CEP112: variants seen among roughly 807,000 people sequenced by gnomAD.
The protein encoded by CEP112 is centrosomal protein of 112 kDa.
CEP112 carries 127 observed loss-of-function variants against 153.0 expected under a neutral mutation model. The ratio of observed to expected loss-of-function variants is 0.83; its 90% CI spans 0.72 to 0.96. The LOEUF (loss-of-function observed/expected upper bound fraction) is 0.96, where lower values mean the gene tolerates loss of function less well. CEP112 is among the 40% of genes least tolerant of loss of function. The pLI is 0.00. For missense variants in CEP112, 1,089 were observed against 1,101.2 expected (o/e 0.99, Z 0.16); for synonymous variants, 358 against 374.4 (o/e 0.96, Z 0.51).
intron 21 of CEP112, among the ~76,000 whole-genome samples, chr17:65,755,412 A>T (rs2052194893): frequency 6.6e-6 from 1 of 152,162 alleles, no homozygotes; most frequent in Admixed American, 6.5e-5. Flanking sequence ...ACTTCCCACC[A>T]GGCCCCACAT....
At chr17:66,072,031 A>G (rs1370049230) in intron 8 of CEP112, among the ~76,000 whole-genome samples, 3 of 152,210 alleles carry the variant, frequency 2.0e-5, no homozygotes, top group African/African-American at 7.2e-5. Context: ...GAAAAGTTGC[A>G]ATAATAGCAC....
chr17:66,086,634 C>G lies in CEP112; in HGVS notation c.768+9617G>C, dbSNP rs543690669. 2.0e-5 allele frequency among the ~76,000 whole-genome samples: 3 copies of G among 151,840 alleles called. No individual in the cohort carries two copies. The South Asian group carries it at 6.2e-4, about 32-fold the overall frequency. ...TTTTAGCCAGGATGGTCTCAATTTC[C>G]TGACCTCGTGATCTGCCCACCTAAA... On this transcript the variant is annotated intron_variant, in intron 8 of 26. Transcript: ENST00000535342.
intron 24 of CEP112, among the ~76,000 whole-genome samples, chr17:65,681,354 G>A (rs2047513650): frequency 6.6e-6 from 1 of 151,806 alleles, no homozygotes; most frequent in African/African-American, 2.4e-5. Context: ...CTACCAATCT[G>A]CTCATGGCCC....
chr17:65,960,423 G>A (rs1442891942), intron 18 of CEP112, among the ~76,000 whole-genome samples: 1 of 151,982 alleles, frequency 6.6e-6, no homozygotes, highest in Admixed American at 6.6e-5. Flanking sequence ...TTATCTATGG[G>A]CATTATGTAT....
intron 21 of CEP112, among the ~76,000 whole-genome samples, chr17:65,803,945 T>C (rs1260651797): frequency 6.6e-6 from 1 of 152,222 alleles, no homozygotes; most frequent in Non-Finnish European, 1.5e-5. Flanking sequence ...ATCCTAGATG[T>C]AGACAAATCC....
intron 8 of CEP112, 56 bp from the exon 9 acceptor site, chr17:66,070,057 T>A: frequency 3.1e-6 from 3 of 964,700 alleles, no homozygotes; most frequent in Non-Finnish European, 4.9e-6. Context: ...TGGCAAAAAA[T>A]ACACAATTAA....
chr17:65,774,159 G>A (rs2053546656), intron 21 of CEP112, among the ~76,000 whole-genome samples: 1 of 151,750 alleles, frequency 6.6e-6, no homozygotes, highest in Non-Finnish European at 1.5e-5. Context: ...CGGGGAATAA[G>A]AATACTACTT....
At chr17:66,125,531 A>G (rs1477592878) in intron 6 of CEP112, among the ~76,000 whole-genome samples, 1 of 152,190 alleles carries the variant, frequency 6.6e-6, no homozygotes, top group Non-Finnish European at 1.5e-5. Context: ...AAAAGAAAAA[A>G]TAAGAAAATG....
chr17:65,864,350 G>A (rs1340779365), intron 20 of CEP112, among the ~76,000 whole-genome samples: 1 of 152,202 alleles, frequency 6.6e-6, no homozygotes, highest in East Asian at 1.9e-4. Context: ...TTATACCCAC[G>A]ATGTAGCAAG....
chr17:65,908,610 C>T (rs1457406215), intron 19 of CEP112, among the ~76,000 whole-genome samples: 1 of 151,744 alleles, frequency 6.6e-6, no homozygotes, highest in Non-Finnish European at 1.5e-5. Flanking sequence ...AGAAGAATCG[C>T]TTGAACCCGG....
chr17:66,000,410 G>C (rs2063984514), intron 17 of CEP112, among the ~76,000 whole-genome samples: 2 of 148,036 alleles, frequency 1.4e-5, no homozygotes, highest in Admixed American at 1.4e-4. Flanking sequence ...TGAAACATCT[G>C]AACAAATCAA....
intron 21 of CEP112, among the ~76,000 whole-genome samples, chr17:65,776,582 G>A (rs920232648): frequency 6.6e-6 from 1 of 152,188 alleles, no homozygotes; most frequent in Non-Finnish European, 1.5e-5. Context: ...TTGAGATACT[G>A]ACAGGAGATA....
Position 66,070,124 on chromosome 17 carries a change from T to A in CEP112, c.769-123A>T, listed in dbSNP as rs535739410. 6.6e-6 allele frequency: 4 copies of A among 609,718 alleles called. No individual in the cohort carries two copies. In the African/African-American group the frequency reaches 7.4e-5, roughly 11 times the overall value. 37.8% of individuals were successfully genotyped at this position (609,718 alleles called of 1,614,324 possible). On this transcript the variant is annotated intron_variant, in intron 8 of 26. Coordinates refer to ENST00000535342, the MANE Select transcript of CEP112 (RefSeq NM_001199165.4). ...ATCATTTTCCACCTTTACCTTGTAG[T>A]CACAGATTCTAGCAATCACATTACA...
At position 65,640,300 on chromosome 17, in the gene CEP112, C is replaced by T. The variant is rs552546262; in HGVS notation, c.2799+664G>A. Among the ~76,000 whole-genome samples the T allele has an allele frequency of 2.5e-3, 382 of 151,082 alleles. 1 individual carries two copies. Among genetic ancestry groups the T allele is most frequent in the Middle Eastern group, 0.014 (4 of 294 alleles). ...TTCCAAGTAGTTGGGATTACAGGCA[C>T]GGGCCACCACGCCCCGCTAATTTTT... is the stretch of plus-strand genomic sequence containing the variant. On this transcript the variant is annotated intron_variant, in intron 25 of 26. Transcript: ENST00000535342.
At chr17:65,992,324 T>C (rs2145266672) in intron 17 of CEP112, among the ~76,000 whole-genome samples, 1 of 152,286 alleles carries the variant, frequency 6.6e-6, no homozygotes, top group East Asian at 1.9e-4. Flanking sequence ...AAAATATAAC[T>C]TCTTTAAAAA....
intron 18 of CEP112, among the ~76,000 whole-genome samples, chr17:65,959,619 C>T (rs1359758222): frequency 6.6e-6 from 1 of 152,196 alleles, no homozygotes; most frequent in Non-Finnish European, 1.5e-5. Flanking sequence ...CTTGGCTCCT[C>T]CTTGGGTTCC....
chr17:65,904,117 GA>G (rs2143625554), intron 19 of CEP112, among the ~76,000 whole-genome samples: 2 of 152,242 alleles, frequency 1.3e-5, no homozygotes, highest in African/African-American at 4.8e-5. Context: ...TCACGCAAGA[GA>G]AACAAATAAA....
At chr17:65,882,672 C>G (rs1488422002) in intron 20 of CEP112, among the ~76,000 whole-genome samples, 1 of 152,176 alleles carries the variant, frequency 6.6e-6, no homozygotes, top group Non-Finnish European at 1.5e-5. Context: ...CTCTGGAAGA[C>G]ACAAACATGC....
At chr17:66,168,450 T>C (rs2072084745) in intron 4 of CEP112, among the ~76,000 whole-genome samples, 1 of 141,490 alleles carries the variant, frequency 7.1e-6, no homozygotes, top group African/African-American at 2.6e-5. Context: ...TATGTGTGTG[T>C]ATATATGTAT....
Sources: allele counts gnomAD v4.1 joint callset (sites outside exome capture counted in the v4.1 genomes callset), GRCh38; gene constraint gnomAD v4.1.1; transcripts MANE v1.5; gene names NCBI Gene and HGNC (gene_info 2026-07-23, HGNC 2026-07-21).